Variants in SAMD12 observed in about 807,000 individuals in gnomAD.
SAMD12 encodes sterile alpha motif domain containing 12.
Under a neutral mutation model 15.0 loss-of-function variants are expected in SAMD12, and 9 were observed. That is an observed-to-expected ratio of 0.60 (90% CI 0.36 to 1.05). The LOEUF is 1.05. SAMD12 is among the 50% of genes least tolerant of loss of function. The pLI, the probability that SAMD12 is intolerant of heterozygous loss-of-function variation, is 0.01. For synonymous variants in SAMD12, 86 were observed against 90.1 expected (o/e 0.96, Z 0.25); for missense variants, 230 against 234.2 (o/e 0.98, Z 0.12).
At chr8:118,173,951 C>A in the SAMD12 span, among the ~76,000 whole-genome samples, 5 of 152,056 alleles carry the variant, frequency 3.3e-5, no homozygotes, top group Admixed American at 3.3e-4. Flanking sequence ...ATATTCATAA[C>A]TTATCTGGCA....
At chr8:118,132,984 A>G in the SAMD12 span, among the ~76,000 whole-genome samples, 697 of 46,258 alleles carry the variant, frequency 0.015, 29 homozygotes, top group African/African-American at 0.043. Flanking sequence ...ATATATATAT[A>G]TATATATATA....
At chr8:118,491,105 C>A (rs1046166950) in intron 2 of SAMD12, among the ~76,000 whole-genome samples, 6 of 152,136 alleles carry the variant, frequency 3.9e-5, no homozygotes, top group African/African-American at 1.4e-4. Flanking sequence ...TCCACCTGTC[C>A]AATGCATCAT....
chr8:118,137,967 C>CT, the SAMD12 span, among the ~76,000 whole-genome samples: 43 of 150,612 alleles, frequency 2.9e-4, no homozygotes, highest in Non-Finnish European at 5.8e-4. Context: ...TTTTCCTTAA[C>CT]TTTTTTTTCT....
At chr8:118,309,952 A>G (rs1815549807) in intron 4 of SAMD12, among the ~76,000 whole-genome samples, 1 of 152,204 alleles carries the variant, frequency 6.6e-6, no homozygotes, top group Non-Finnish European at 1.5e-5. Context: ...GGTTGCAGAG[A>G]CCATTGAAGG....
In SAMD12 at chr8:118,302,078, G is replaced by GTTTTTTTTTTTT. The variant is rs58076997; in HGVS notation, c.433+77470_433+77481dup. On this transcript the variant is annotated intron_variant, in intron 4 of 4. Transcript: ENST00000409003. Reference sequence around the variant, plus strand: ...ATTTTCTAGCGCCAGATCTTTGAGAGTTTTTTTTTTTTTTTTTTTTTTTTT... The same window carrying GTTTTTTTTTTTT: ...ATTTTCTAGCGCCAGATCTTTGAGAGTTTTTTTTTTTTTTTTTTTTTTTTTTTTTTTTTTTTT... 3.0e-3 allele frequency among the ~76,000 whole-genome samples: 224 copies of GTTTTTTTTTTTT among 74,682 alleles called. 36 individuals are homozygous for GTTTTTTTTTTTT. Among genetic ancestry groups the GTTTTTTTTTTTT allele is most frequent in the African/African-American group, 0.015 (210 of 14,292 alleles). The allele number at this position is 74,682 out of a possible 152,430, so 49.0% of individuals were successfully genotyped here.
exon 5 of SAMD12, chr8:118,196,430 C>T (rs935710430): frequency 6.6e-6 from 1 of 152,050 alleles, no homozygotes; most frequent in Non-Finnish European, 1.5e-5. Context: ...GAACATGTCT[C>T]TAATGCTCAA....
the SAMD12 span, among the ~76,000 whole-genome samples, chr8:118,166,286 G>T: frequency 6.6e-6 from 1 of 152,136 alleles, no homozygotes; most frequent in South Asian, 2.1e-4. Flanking sequence ...AGAATACTTT[G>T]TCTATCAATT....
At chr8:118,226,044 C>T (rs1485980024) in intron 4 of SAMD12, among the ~76,000 whole-genome samples, 1 of 152,136 alleles carries the variant, frequency 6.6e-6, no homozygotes, top group Non-Finnish European at 1.5e-5. Context: ...GACAAAAGGA[C>T]TCAGGCACAT....
intron 2 of SAMD12, among the ~76,000 whole-genome samples, chr8:118,489,340 A>G (rs1352493583): frequency 6.6e-6 from 1 of 152,074 alleles, no homozygotes; most frequent in Non-Finnish European, 1.5e-5. Flanking sequence ...TTTAATTTTA[A>G]TACATCTACT....
intron 4 of SAMD12, among the ~76,000 whole-genome samples, chr8:118,287,361 G>A (rs908919335): frequency 6.7e-6 from 1 of 149,840 alleles, no homozygotes; most frequent in East Asian, 2.2e-4. Flanking sequence ...TCCTGACCTC[G>A]TGATCCGCCC....
chr8:118,356,974 C>A (rs1025810256), intron 4 of SAMD12, among the ~76,000 whole-genome samples: 2 of 152,206 alleles, frequency 1.3e-5, no homozygotes, highest in Non-Finnish European at 2.9e-5. Flanking sequence ...TAACTGTCGC[C>A]TGTTCACTTC....
intron 4 of SAMD12, among the ~76,000 whole-genome samples, chr8:118,304,997 A>C (rs1470647290): frequency 1.3e-5 from 2 of 149,698 alleles, no homozygotes; most frequent in South Asian, 2.1e-4. Context: ...AAAAATACAA[A>C]AATTAGACAG....
intron 3 of SAMD12, among the ~76,000 whole-genome samples, chr8:118,399,600 C>T (rs1050634412): frequency 6.6e-6 from 1 of 152,202 alleles, no homozygotes; most frequent in Non-Finnish European, 1.5e-5. Flanking sequence ...AGCTTCAGAG[C>T]TCCCTGTGGG....
chr8:118,389,312 A>T (rs1026183532), intron 3 of SAMD12, among the ~76,000 whole-genome samples: 1 of 152,246 alleles, frequency 6.6e-6, no homozygotes, highest in Non-Finnish European at 1.5e-5. Context: ...ATAAAATTAT[A>T]CCAGAGGTCA....
the SAMD12 span, among the ~76,000 whole-genome samples, chr8:118,149,967 A>T: frequency 6.6e-6 from 1 of 152,108 alleles, no homozygotes; most frequent in Non-Finnish European, 1.5e-5. Flanking sequence ...CATTGTCTTG[A>T]ATTCTTTAAT....
intron 4 of SAMD12, among the ~76,000 whole-genome samples, chr8:118,251,331 A>T (rs1812815868): frequency 6.6e-6 from 1 of 152,152 alleles, no homozygotes; most frequent in African/African-American, 2.4e-5. Flanking sequence ...AGCACCAGGC[A>T]TCTCAAATGA....
chr8:118,615,782 G>A (rs1828225076), intron 1 of SAMD12, among the ~76,000 whole-genome samples: 1 of 152,176 alleles, frequency 6.6e-6, no homozygotes, highest in South Asian at 2.1e-4. Context: ...AAACAGCAAG[G>A]CAGATGAGAA....
intron 3 of SAMD12, among the ~76,000 whole-genome samples, chr8:118,402,572 A>T (rs1034356250): frequency 6.6e-6 from 1 of 152,336 alleles, no homozygotes; most frequent in Non-Finnish European, 1.5e-5. Context: ...TATTGTGTGG[A>T]TAACACCCCA....
chr8:118,388,638 G>A lies in SAMD12; in HGVS notation c.323-8938C>T, dbSNP rs369767555. Reference sequence around the variant, plus strand: ...CTCACTAGAGCCTTACTCAACGTAGGCACTAAAAAGATACTTGTTAAATTA... The same window carrying A: ...CTCACTAGAGCCTTACTCAACGTAGACACTAAAAAGATACTTGTTAAATTA... On this transcript the variant is annotated intron_variant, in intron 3 of 3. Coordinates refer to ENST00000314727, the MANE Select transcript of SAMD12 (RefSeq NM_207506.3). Among the ~76,000 whole-genome samples, 4 of 152,242 alleles carry A rather than the reference G, an allele frequency of 2.6e-5. No homozygotes were observed. The East Asian group carries it at 5.8e-4, about 22-fold the overall frequency.
Sources: gnomAD v4.1 joint callset for allele counts (sites outside exome capture counted in the v4.1 genomes callset) on GRCh38, gnomAD v4.1.1 for gene constraint, MANE v1.5 for transcripts, NCBI Gene and HGNC (gene_info 2026-07-23, HGNC 2026-07-21) for gene names.